Variants in FSD1L observed in about 807,000 individuals in gnomAD.
FSD1L encodes fibronectin type III and SPRY domain containing 1 like, also known as FSD1-like protein.
A neutral mutation model predicts 71.6 loss-of-function variants in FSD1L; 45 were observed. The ratio of observed to expected loss-of-function variants is 0.63; its 90% CI spans 0.49 to 0.81. The LOEUF is 0.81. Ranked by LOEUF, FSD1L falls within the 30% of genes least tolerant of loss-of-function variation. The pLI, the probability that FSD1L is intolerant of heterozygous loss-of-function variation, is 0.00. For missense variants in FSD1L, 561 were observed against 618.1 expected, an observed-to-expected ratio of 0.91 and a Z score of 0.98; for synonymous variants, 197 against 207.2, an observed-to-expected ratio of 0.95 and a Z score of 0.42.
intron 7 of FSD1L, among the ~76,000 whole-genome samples, chr9:105,492,130 G>T (rs1027164519): frequency 6.6e-6 from 1 of 152,028 alleles, no homozygotes; most frequent in Non-Finnish European, 1.5e-5. Context: ...TCTGGTCCTG[G>T]ACTCTTTTTG....
At chr9:105,519,116 TC>T (rs1834938732) in intron 10 of FSD1L, among the ~76,000 whole-genome samples, 1 of 152,132 alleles carries the variant, frequency 6.6e-6, no homozygotes, top group South Asian at 2.1e-4. Flanking sequence ...AGAAGTCGAA[TC>T]CCTGAATAGA....
intron 5 of FSD1L, among the ~76,000 whole-genome samples, chr9:105,475,342 C>A (rs1324441928): frequency 6.6e-6 from 1 of 152,166 alleles, no homozygotes; most frequent in Non-Finnish European, 1.5e-5. Flanking sequence ...TGCATTTGAT[C>A]ACAGCTGAAG....
chr9:105,526,147 G>C (rs1402644411), intron 10 of FSD1L: 2 of 1,573,484 alleles, frequency 1.3e-6, no homozygotes, highest in African/African-American at 1.3e-5. Context: ...GAATGGAAAG[G>C]TTCTACCCAT....
chr9:105,455,833 TACTA>T (rs1830323874), intron 1 of FSD1L, among the ~76,000 whole-genome samples: 1 of 152,226 alleles, frequency 6.6e-6, no homozygotes, highest in African/African-American at 2.4e-5. Context: ...CTTAATGAAA[TACTA>T]ACTAAATTGG....
At chr9:105,519,696 C>T (rs999008334) in intron 10 of FSD1L, among the ~76,000 whole-genome samples, 1 of 152,252 alleles carries the variant, frequency 6.6e-6, no homozygotes, top group Non-Finnish European at 1.5e-5. Flanking sequence ...CAGTATCATA[C>T]TGAATGGGCA....
chr9:105,504,021 A>G (rs961030974), intron 7 of FSD1L, among the ~76,000 whole-genome samples: 7 of 152,210 alleles, frequency 4.6e-5, no homozygotes, highest in African/African-American at 7.2e-5. Flanking sequence ...GCAGGGTGCT[A>G]ACTAGTCCTA....
intron 1 of FSD1L, among the ~76,000 whole-genome samples, chr9:105,456,888 G>T (rs1830391861): frequency 6.6e-6 from 1 of 152,136 alleles, no homozygotes; most frequent in African/African-American, 2.4e-5. Context: ...TTCTAGATAA[G>T]CTTCAGATAA....
chr9:105,523,997 T>C, intron 10 of FSD1L: 1 of 1,597,408 alleles, frequency 6.3e-7, no homozygotes, highest in Non-Finnish European at 8.6e-7. Context: ...CCAACTTATA[T>C]TGTGAACTGC....
At position 105,495,742 on chromosome 9, in the gene FSD1L, C is replaced by T. The variant is rs185324625; in HGVS notation, c.587-10657C>T. Among the ~76,000 whole-genome samples, 1,275 of 152,210 alleles carry T rather than the reference C, an allele frequency of 8.4e-3. 19 individuals carry two copies. The highest frequency in any genetic ancestry group is 0.029 in the African/African-American group (1,215 of 41,524). ...CTGTAACCCCAGCATTTTGGGAGCC[C>T]GAGGCGGGCAGATCACAAGGTCAGG... is the stretch of plus-strand genomic sequence containing the variant. On this transcript the variant is annotated intron_variant, in intron 7 of 13. Transcript: ENST00000481272.
At chr9:105,530,760 A>G (rs996396071) in intron 10 of FSD1L, 6 of 504,744 alleles carry the variant, frequency 1.2e-5, no homozygotes, top group Non-Finnish European at 2.1e-5. Flanking sequence ...GTGCCTTTTC[A>G]GTTGACAATC....
chr9:105,494,588 A>T (rs1336078304), intron 7 of FSD1L, among the ~76,000 whole-genome samples: 8 of 151,958 alleles, frequency 5.3e-5, no homozygotes, highest in African/African-American at 1.7e-4. Flanking sequence ...TGGTTTTTAG[A>T]GTTTCCAGTT....
In FSD1L at chr9:105,473,635, C is replaced by T. The variant is rs137912394; in HGVS notation, c.441+1630C>T. 7.9e-3 allele frequency among the ~76,000 whole-genome samples: 1,207 copies of T among 152,190 alleles called. 10 individuals are homozygous for T. The highest frequency in any genetic ancestry group is 0.02 in the Middle Eastern group (6 of 294). ...AGTAGCAAGAATTACCAACTGACAGCCTAAGAGTGAGGAAGAAGACAGGAA... is the reference window on the plus strand; with the variant it reads ...AGTAGCAAGAATTACCAACTGACAGTCTAAGAGTGAGGAAGAAGACAGGAA... On this transcript the variant is annotated intron_variant, in intron 5 of 13. Transcript: ENST00000481272.
intron 10 of FSD1L, among the ~76,000 whole-genome samples, chr9:105,531,586 G>A (rs146189120): frequency 3.3e-5 from 5 of 152,310 alleles, no homozygotes; most frequent in Non-Finnish European, 7.4e-5. Context: ...AAATACTGAC[G>A]TGATTAATTA....
chr9:105,484,243 A>G (rs1191975608), intron 6 of FSD1L, 138 bp from the exon 7 acceptor site: 2 of 582,834 alleles, frequency 3.4e-6, no homozygotes, highest in African/African-American at 2.0e-5. Flanking sequence ...CTAAGATTAA[A>G]TTTCTATTTC....
At position 105,547,692 on chromosome 9, in the gene FSD1L, G is replaced by A. The variant is rs1262422672; in HGVS notation, c.*1209G>A. ...TTCCCAAACTTGGGGTAAAACCCAT[G>A]GTTATGTGGAACATAACTGTTCTTA... On this transcript the variant is annotated 3_prime_UTR_variant, in exon 14 of 14. Coordinates refer to ENST00000481272, the MANE Select transcript of FSD1L (RefSeq NM_001145313.3). 1.3e-5 allele frequency: 2 copies of A among 151,972 alleles called. No individual in the cohort carries two copies. Among genetic ancestry groups the A allele is most frequent in the Non-Finnish European group, 2.9e-5 (2 of 67,966 alleles). The allele number at this position is 151,972 out of a possible 1,614,324, so 9.4% of individuals were successfully genotyped here.
chr9:105,523,762 C>T (rs1835331261), intron 10 of FSD1L: 1 of 1,596,650 alleles, frequency 6.3e-7, no homozygotes, highest in Non-Finnish European at 8.6e-7. Context: ...GATTTTCTAA[C>T]ACATTTCTAC....
chr9:105,508,404 C>T (rs967935903), intron 8 of FSD1L, among the ~76,000 whole-genome samples: 2 of 151,182 alleles, frequency 1.3e-5, no homozygotes, highest in Middle Eastern at 3.5e-3. Context: ...GTCTGTATCT[C>T]CTGACCTTGT....
rs1490016253 is a variant in FSD1L, at chr9:105,453,191, AT to A, written c.15+4964del. On this transcript the variant is annotated intron_variant, in intron 1 of 13. Transcript: ENST00000481272. ...AATCACTATTTTAATTTTAATTTTA[AT>A]TTTTTTTGAGACAGAGTCTTGCTCT... Among the ~76,000 whole-genome samples, 3 of 150,638 alleles carry A rather than the reference AT, an allele frequency of 2.0e-5. No homozygotes were observed. The East Asian group carries it at 5.9e-4, about 30-fold the overall frequency.
intron 10 of FSD1L, chr9:105,522,444 A>G (rs1835231086): frequency 6.2e-7 from 1 of 1,613,782 alleles, no homozygotes; most frequent in East Asian, 2.2e-5. Context: ...AGCCCCAATG[A>G]GACAGAGGAG....
Sources: allele counts gnomAD v4.1 joint callset (sites outside exome capture counted in the v4.1 genomes callset), GRCh38; gene constraint gnomAD v4.1.1; transcripts MANE v1.5; gene names NCBI Gene and HGNC (gene_info 2026-07-23, HGNC 2026-07-21).